PGCKA1: variants seen among roughly 807,000 people sequenced by gnomAD.
PGCKA1 encodes the protein PDCD10 and GCKIII kinases associated 1.
the PGCKA1 span, among the ~76,000 whole-genome samples, chr4:37,512,561 A>G: frequency 3.3e-5 from 5 of 151,042 alleles, no homozygotes; most frequent in African/African-American, 1.2e-4. Flanking sequence ...GGTTCAAGCA[A>G]TTCTACCTCA....
chr4:37,549,680 C>T, the PGCKA1 span, among the ~76,000 whole-genome samples: 3 of 152,322 alleles, frequency 2.0e-5, no homozygotes, highest in Admixed American at 2.0e-4. Context: ...CCACCTTACT[C>T]CTGGTATCAG....
the PGCKA1 span, among the ~76,000 whole-genome samples, chr4:37,505,730 A>G: frequency 6.6e-6 from 1 of 152,230 alleles, no homozygotes. Flanking sequence ...CCCATGATTC[A>G]GTTATCTCCC....
chr4:37,502,999 A>C, the PGCKA1 span, among the ~76,000 whole-genome samples: 1 of 152,122 alleles, frequency 6.6e-6, no homozygotes, highest in Non-Finnish European at 1.5e-5. Flanking sequence ...AAAGTCTCCT[A>C]TGGAAGCAAG....
At chr4:37,535,699 G>A in the PGCKA1 span, among the ~76,000 whole-genome samples, 1 of 152,162 alleles carries the variant, frequency 6.6e-6, no homozygotes, top group African/African-American at 2.4e-5. Context: ...TTTCCTCGCA[G>A]TAACCCTGAG....
chr4:37,573,305 C>G, the PGCKA1 span, among the ~76,000 whole-genome samples: 1 of 152,184 alleles, frequency 6.6e-6, no homozygotes, highest in Non-Finnish European at 1.5e-5. Context: ...AACATCATCT[C>G]TAGTCATCCT....
the PGCKA1 span, among the ~76,000 whole-genome samples, chr4:37,490,455 G>A: frequency 2.0e-5 from 3 of 152,304 alleles, no homozygotes; most frequent in Non-Finnish European, 4.4e-5. Flanking sequence ...CTACCAAGAA[G>A]AGCGTTGACT....
chr4:37,497,176 A>G, the PGCKA1 span, among the ~76,000 whole-genome samples: 1 of 152,166 alleles, frequency 6.6e-6, no homozygotes, highest in African/African-American at 2.4e-5. Context: ...CACTGAGAAC[A>G]TATGATGTTT....
the PGCKA1 span, among the ~76,000 whole-genome samples, chr4:37,570,333 A>G: frequency 6.6e-6 from 1 of 151,270 alleles, no homozygotes; most frequent in Non-Finnish European, 1.5e-5. Flanking sequence ...CTAAAATAAC[A>G]GAAGCTTAGC....
chr4:37,569,108 G>C, the PGCKA1 span, among the ~76,000 whole-genome samples: 96 of 152,092 alleles, frequency 6.3e-4, no homozygotes, highest in African/African-American at 2.1e-3. Flanking sequence ...AAAAAAAAGG[G>C]GGGGAGAGAT....
At chr4:37,578,288 T>C in the PGCKA1 span, among the ~76,000 whole-genome samples, 3 of 152,246 alleles carry the variant, frequency 2.0e-5, no homozygotes, top group Non-Finnish European at 4.4e-5. Context: ...GAACCCTTCA[T>C]CATTATGTAA....
chr4:37,566,718 G>A, the PGCKA1 span, among the ~76,000 whole-genome samples: 1 of 152,024 alleles, frequency 6.6e-6, no homozygotes. Context: ...CAAGTAGTTG[G>A]ACTACAGGTG....
At chr4:37,587,052 C>T in the PGCKA1 span, among the ~76,000 whole-genome samples, 1 of 152,166 alleles carries the variant, frequency 6.6e-6, no homozygotes, top group African/African-American at 2.4e-5. Flanking sequence ...ACACTCTTTC[C>T]AGAGGCTCCA....
At chr4:37,507,186 G>A in the PGCKA1 span, among the ~76,000 whole-genome samples, 1 of 151,904 alleles carries the variant, frequency 6.6e-6, no homozygotes, top group South Asian at 2.1e-4. Flanking sequence ...TAAAAGAATT[G>A]TATTTCTTAT....
At chr4:37,512,256 G>T in the PGCKA1 span, among the ~76,000 whole-genome samples, 1 of 115,540 alleles carries the variant, frequency 8.7e-6, no homozygotes, top group East Asian at 2.4e-4. Context: ...GTCAAACTTG[G>T]TGTTCCTGTA....
the PGCKA1 span, among the ~76,000 whole-genome samples, chr4:37,517,863 AT>A: frequency 6.6e-6 from 1 of 152,054 alleles, no homozygotes; most frequent in Admixed American, 6.6e-5. Flanking sequence ...ATACTTTCTA[AT>A]TTTTTTGTAC....
At chr4:37,469,685 A>G in the PGCKA1 span, among the ~76,000 whole-genome samples, 8 of 152,162 alleles carry the variant, frequency 5.3e-5, no homozygotes, top group African/African-American at 1.9e-4. Flanking sequence ...TATGTTTCTC[A>G]TTTCGTTCAG....
the PGCKA1 span, among the ~76,000 whole-genome samples, chr4:37,468,441 G>C: frequency 6.6e-6 from 1 of 152,190 alleles, no homozygotes; most frequent in African/African-American, 2.4e-5. Context: ...CAATTAGGGA[G>C]TTGCCCCAGC....
chr4:37,462,134 T>A, the PGCKA1 span, among the ~76,000 whole-genome samples: 1 of 152,242 alleles, frequency 6.6e-6, no homozygotes, highest in East Asian at 1.9e-4. Flanking sequence ...ATTCAAACAT[T>A]TAAATTCCAA....
the PGCKA1 span, among the ~76,000 whole-genome samples, chr4:37,511,971 G>A: frequency 6.6e-6 from 1 of 152,212 alleles, no homozygotes; most frequent in Non-Finnish European, 1.5e-5. Context: ...TCTGTAGCCG[G>A]GCATCAGCTG....
Sources: gnomAD v4.1 joint callset for allele counts (sites outside exome capture counted in the v4.1 genomes callset) on GRCh38, gnomAD v4.1.1 for gene constraint, MANE v1.5 for transcripts, NCBI Gene and HGNC (gene_info 2026-07-23, HGNC 2026-07-21) for gene names.